GABRG2: variants seen among roughly 807,000 people sequenced by gnomAD.
GABRG2 encodes gamma-aminobutyric acid receptor subunit gamma-2.
In GABRG2, 16 loss-of-function variants were observed where a neutral mutation model predicts 56.4. The observed-to-expected ratio is 0.28, with a 90% CI of 0.19 to 0.43. The LOEUF is 0.43. Among genes scored for constraint, GABRG2 ranks in the 20% least tolerant of loss-of-function variants. The probability of loss-of-function intolerance (pLI) is 1.00; values close to 1 mark genes in which losing one functional copy is unlikely to be tolerated. For synonymous variants in GABRG2, 208 were observed against 205.5 expected (o/e 1.01, Z -0.10); for missense variants, 327 against 582.7 (o/e 0.56, Z 4.52).
chr5:162,152,757 A>G lies in GABRG2; in HGVS notation c.1153-336A>G, dbSNP rs919080184. Reference sequence around the variant, plus strand: ...ACATGCAGCACCATCAAATGCCTTCATGTAACCAATGTCACATCTAATACT... The same window carrying G: ...ACATGCAGCACCATCAAATGCCTTCGTGTAACCAATGTCACATCTAATACT... On this transcript the variant is annotated intron_variant, in intron 9 of 9. Transcript: ENST00000639213. The G allele has an allele frequency of 1.6e-5, 9 of 556,764 alleles. 1 individual carries two copies. The highest frequency in any genetic ancestry group is 2.2e-5 in the Non-Finnish European group (7 of 312,580). The allele number at this position is 556,764 out of a possible 1,614,324, so 34.5% of individuals were successfully genotyped here.
intron 6 of GABRG2, among the ~76,000 whole-genome samples, chr5:162,127,032 C>T (rs1323576056): frequency 2.6e-5 from 4 of 151,824 alleles, no homozygotes; most frequent in South Asian, 2.1e-4. Flanking sequence ...GGCACCATTA[C>T]CTCTGCAAAC....
Position 162,084,847 on chromosome 5 carries a change from C to A in GABRG2, c.108-8981C>A, listed in dbSNP as rs561522020. Reference sequence around the variant, plus strand: ...CATAGAACATGGCAAGAAATGCAGTCAATGTGTGTTTCTGGAGTGAAGGAG... The same window carrying A: ...CATAGAACATGGCAAGAAATGCAGTAAATGTGTGTTTCTGGAGTGAAGGAG... On this transcript the variant is annotated intron_variant, in intron 1 of 9. Transcript: ENST00000639213. Among the ~76,000 whole-genome samples the A allele has an allele frequency of 1.1e-4, 16 of 151,870 alleles. No individual in the cohort carries two copies. The East Asian group carries it at 3.1e-3, about 29-fold the overall frequency.
intron 1 of GABRG2, among the ~76,000 whole-genome samples, chr5:162,074,705 C>T (rs1427151173): frequency 6.6e-6 from 1 of 151,980 alleles, no homozygotes; most frequent in Non-Finnish European, 1.5e-5. Context: ...TTGAGGAAAG[C>T]AACTCTAAAC....
chr5:162,133,043 A>G (rs1372974040), intron 6 of GABRG2, among the ~76,000 whole-genome samples: 1 of 151,962 alleles, frequency 6.6e-6, no homozygotes, highest in Non-Finnish European at 1.5e-5. Context: ...GGTGACTGTA[A>G]TAGTGTATTA....
intron 7 of GABRG2, among the ~76,000 whole-genome samples, chr5:162,147,413 G>A (rs939971250): frequency 5.3e-5 from 8 of 150,808 alleles, no homozygotes; most frequent in African/African-American, 1.5e-4. Context: ...CACCCAGGCC[G>A]GAGTGCAATG....
At chr5:162,135,796 G>A (rs1053663142) in intron 6 of GABRG2, among the ~76,000 whole-genome samples, 1 of 152,156 alleles carries the variant, frequency 6.6e-6, no homozygotes, top group African/African-American at 2.4e-5. Context: ...AGAGGAAGCA[G>A]GGTGAGGAAG....
chr5:162,154,092 C>G lies in GABRG2; in HGVS notation c.*724C>G, dbSNP rs765232468. The G allele has an allele frequency of 6.6e-6, 1 of 152,344 alleles. No homozygotes were observed. Among genetic ancestry groups the G allele is most frequent in the South Asian group, 2.1e-4 (1 of 4,832 alleles). 9.4% of individuals were successfully genotyped at this position (152,344 alleles called of 1,614,324 possible). A position where few individuals can be genotyped will look rare whatever the true frequency, so the allele number is the denominator to read the frequency against. ...GAGGGAGGAATTTTCATTGCCTTCT[C>G]CCTCATGCATGAAGATTCGAACAGC... is the stretch of plus-strand genomic sequence containing the variant. On this transcript the variant is annotated 3_prime_UTR_variant, in exon 10 of 10. Transcript: ENST00000639213.
At chr5:162,092,834 T>C (rs905828834) in intron 1 of GABRG2, among the ~76,000 whole-genome samples, 11 of 152,296 alleles carry the variant, frequency 7.2e-5, no homozygotes, top group South Asian at 2.1e-4. Flanking sequence ...TTAAAAAATT[T>C]TACTCTAAAC....
At chr5:162,076,216 T>C (rs1759093496) in intron 1 of GABRG2, among the ~76,000 whole-genome samples, 1 of 152,124 alleles carries the variant, frequency 6.6e-6, no homozygotes, top group Non-Finnish European at 1.5e-5. Context: ...ATAATACATA[T>C]TAAGGGGCAC....
chr5:162,106,666 A>C (rs993198111), intron 6 of GABRG2, among the ~76,000 whole-genome samples: 1 of 152,108 alleles, frequency 6.6e-6, no homozygotes, highest in African/African-American at 2.4e-5. Flanking sequence ...TCCCTTTAAG[A>C]TGCCTCTTTT....
At chr5:162,114,320 G>T (rs548532200) in intron 6 of GABRG2, among the ~76,000 whole-genome samples, 2 of 152,234 alleles carry the variant, frequency 1.3e-5, no homozygotes, top group East Asian at 3.9e-4. Flanking sequence ...AAAGCAATGT[G>T]TAGGTGTATC....
intron 1 of GABRG2, among the ~76,000 whole-genome samples, chr5:162,082,826 A>G (rs562574457): frequency 6.6e-6 from 1 of 151,756 alleles, no homozygotes; most frequent in South Asian, 2.1e-4. Flanking sequence ...AAAATAAGAA[A>G]AGACTTGATT....
rs1765511716 is a variant in GABRG2, at chr5:162,153,372, G to A, written c.*4G>A. ...GGTCTCCTACCTCTACCTGTGAGGAGGTATGGGTTTTACTGATATGGTTCT... is the reference window on the plus strand; with the variant it reads ...GGTCTCCTACCTCTACCTGTGAGGAAGTATGGGTTTTACTGATATGGTTCT... On this transcript the variant is annotated 3_prime_UTR_variant, in exon 10 of 10. Transcript: ENST00000639213. 1 of 1,613,842 alleles carries A rather than the reference G, an allele frequency of 6.2e-7. No homozygotes were observed. The highest frequency in any genetic ancestry group is 1.7e-5 in the Admixed American group (1 of 59,996).
rs374864539 is a variant in GABRG2 at position 162,106,114 on chromosome 5, A to G, written c.769+2088A>G. Among the ~76,000 whole-genome samples, 12 of 152,248 alleles carry G rather than the reference A, an allele frequency of 7.9e-5. No homozygotes were observed. In the East Asian group the frequency reaches 2.1e-3, roughly 27 times the overall value. Reference sequence around the variant, plus strand: ...TGGAGGATGATCTAGGGAATTTACTATCTATTAGGAGACACTTGTGGGAGA... The same window carrying G: ...TGGAGGATGATCTAGGGAATTTACTGTCTATTAGGAGACACTTGTGGGAGA... On this transcript the variant is annotated intron_variant, in intron 6 of 9. Transcript: ENST00000639213.
intron 1 of GABRG2, among the ~76,000 whole-genome samples, chr5:162,078,628 A>G (rs1022499685): frequency 6.6e-6 from 1 of 151,108 alleles, no homozygotes; most frequent in Admixed American, 6.6e-5. Flanking sequence ...GATGGTCTCA[A>G]TCTCCTGACC....
intron 1 of GABRG2, among the ~76,000 whole-genome samples, chr5:162,092,422 C>T (rs1186682759): frequency 6.6e-6 from 1 of 152,138 alleles, no homozygotes; most frequent in Non-Finnish European, 1.5e-5. Context: ...TTACTGTAAT[C>T]ATTAAGTTGA....
intron 3 of GABRG2, among the ~76,000 whole-genome samples, chr5:162,096,123 A>G (rs1453920438): frequency 6.6e-6 from 1 of 151,948 alleles, no homozygotes; most frequent in Non-Finnish European, 1.5e-5. Flanking sequence ...ATATAGTAAA[A>G]CTATAAGTTT....
At chr5:162,102,640 C>T (rs774394343) in intron 5 of GABRG2, 6 of 452,846 alleles carry the variant, frequency 1.3e-5, no homozygotes, top group Non-Finnish European at 2.7e-5. Context: ...AACTGATCCT[C>T]CCACCTTGGC....
chr5:162,095,509 A>G lies in GABRG2; in HGVS notation c.274A>G (p.Ile92Val). The change falls in exon 3 of 10, where the codon ATT becomes GTT. Residue 92 changes from isoleucine to valine, a missense_variant. Coordinates refer to ENST00000639213, the MANE Select transcript of GABRG2 (RefSeq NM_198904.4). The stretch of plus-strand genomic sequence containing the variant: ...TCTCTTTACAGTGAAGCCAACGTTA[A>G]TTCACACAGACATGTATGTGAATAG... ...RPDIGVKPTL[I>V]HTDMYVNSIG... 2.5e-6 allele frequency: 4 copies of G among 1,607,664 alleles called. No homozygotes were observed. Among genetic ancestry groups the G allele is most frequent in the Non-Finnish European group, 2.6e-6 (3 of 1,174,858 alleles).
Sources: allele counts gnomAD v4.1 joint callset (sites outside exome capture counted in the v4.1 genomes callset), GRCh38; gene constraint gnomAD v4.1.1; transcripts MANE v1.5; gene names NCBI Gene and HGNC (gene_info 2026-07-23, HGNC 2026-07-21).